Variants in CNOT2 observed in about 807,000 individuals in gnomAD.
CNOT2 encodes CC chemokine receptor 4-negative regulator of transcription 2.
Under a neutral mutation model 72.1 loss-of-function variants are expected in CNOT2, and 7 were observed. That is an observed-to-expected ratio of 0.10 (90% CI 0.06 to 0.18). The LOEUF is 0.18. Among genes scored for constraint, CNOT2 ranks in the 10% least tolerant of loss-of-function variants. The probability of loss-of-function intolerance (pLI) is 1.00; values close to 1 mark genes in which losing one functional copy is unlikely to be tolerated. For synonymous variants in CNOT2, 196 were observed against 225.6 expected (o/e 0.87, Z 1.17); for missense variants, 345 against 660.3 (o/e 0.52, Z 5.23).
chr12:70,341,983 A>C, intron 11 of CNOT2, 124 bp from the exon 12 acceptor site: 1 of 725,406 alleles, frequency 1.4e-6, no homozygotes, highest in Non-Finnish European at 2.5e-6. Flanking sequence ...AAGTCAGTAA[A>C]CCCAAGTAAG....
In CNOT2 at chr12:70,261,305, C is replaced by CTTTTTTTTTTTTTTT. The variant is rs71437141; in HGVS notation, c.-95-16814_-95-16800dup. On this transcript the variant is annotated intron_variant, in intron 1 of 15. Transcript: ENST00000229195. ...ATCTTTGTGCCTATTTTCTTTCTTT[C>CTTTTTTTTTTTTTTT]TTTTTTTTTTTTTTTTTTTTTTTTT... Among the ~76,000 whole-genome samples the CTTTTTTTTTTTTTTT allele has an allele frequency of 4.6e-4, 20 of 43,354 alleles. 2 individuals are homozygous for CTTTTTTTTTTTTTTT. Among genetic ancestry groups the CTTTTTTTTTTTTTTT allele is most frequent in the African/African-American group, 6.1e-4 (7 of 11,494 alleles). The allele number at this position is 43,354 out of a possible 152,430, so 28.4% of individuals were successfully genotyped here.
chr12:70,351,848 G>C (rs886098067), intron 15 of CNOT2, among the ~76,000 whole-genome samples: 2 of 152,132 alleles, frequency 1.3e-5, no homozygotes, highest in African/African-American at 2.4e-5. Flanking sequence ...TGGGAGAGGG[G>C]GAGTAGTGCT....
At chr12:70,247,651 A>G (rs567108186) in intron 1 of CNOT2, among the ~76,000 whole-genome samples, 42 of 152,246 alleles carry the variant, frequency 2.8e-4, no homozygotes, top group Non-Finnish European at 5.3e-4. Flanking sequence ...TCAAACTTCT[A>G]TTATAGAATG....
chr12:70,330,348 G>A lies in CNOT2; in HGVS notation c.448G>A (p.Gly150Arg), dbSNP rs778543965. Reference protein sequence around the residue: ...MNHSQVGQGIGIPSRTNSMSS... With the variant: ...MNHSQVGQGIRIPSRTNSMSS... ...CCACTCCCAGGTTGGTCAGGGCATT[G>A]GAATTCCTAGCAGGACAAATAGCAT... is the stretch of plus-strand genomic sequence containing the variant. Residue 150 changes from glycine (G) to arginine (R), a missense_variant, in exon 6 of 16, where the codon GGA becomes AGA. By Grantham distance (125) the Gly-to-Arg change is moderately radical (BLOSUM62 -2). This residue lies in a region of CNOT2 where 157 missense variants were observed against 235.3 expected (regional missense o/e 0.67). Transcript: ENST00000229195. 6.2e-7 allele frequency: 1 copy of A among 1,611,020 alleles called. No individual in the cohort carries two copies.
At chr12:70,290,147 C>T (rs1488883059) in intron 2 of CNOT2, among the ~76,000 whole-genome samples, 1 of 151,770 alleles carries the variant, frequency 6.6e-6, no homozygotes, top group Non-Finnish European at 1.5e-5. Flanking sequence ...TGTTTTTCTA[C>T]TCTGGCTCAT....
chr12:70,282,928 C>T (rs764895094), intron 2 of CNOT2, among the ~76,000 whole-genome samples: 12 of 152,124 alleles, frequency 7.9e-5, no homozygotes, highest in Non-Finnish European at 1.8e-4. Flanking sequence ...AAGTACTCAA[C>T]ACCTACTTGA....
intron 1 of CNOT2, among the ~76,000 whole-genome samples, chr12:70,257,402 C>A (rs1958513734): frequency 6.8e-6 from 1 of 146,404 alleles, no homozygotes; most frequent in Non-Finnish European, 1.5e-5. Context: ...GCTCTTTCGC[C>A]CAGGCTGGAG....
At chr12:70,278,757 T>C (rs1366160721) in intron 2 of CNOT2, among the ~76,000 whole-genome samples, 2 of 152,192 alleles carry the variant, frequency 1.3e-5, no homozygotes, top group Non-Finnish European at 2.9e-5. Flanking sequence ...GAATTTGTTA[T>C]TAGTTTGCTG....
chr12:70,298,684 G>A (rs533216268), intron 2 of CNOT2, among the ~76,000 whole-genome samples: 2 of 150,390 alleles, frequency 1.3e-5, no homozygotes, highest in African/African-American at 4.8e-5. Flanking sequence ...TCAAAGAATG[G>A]GAGAAAGGGC....
intron 1 of CNOT2, among the ~76,000 whole-genome samples, chr12:70,260,852 TA>T (rs1482905097): frequency 7.2e-6 from 1 of 139,652 alleles, no homozygotes; most frequent in African/African-American, 2.6e-5. Context: ...AGATGCATTC[TA>T]TTTTTTTTTT....
Position 70,290,890 on chromosome 12 carries a change from A to G in CNOT2, c.48+12616A>G, listed in dbSNP as rs545793725. On this transcript the variant is annotated intron_variant, in intron 2 of 15. Transcript: ENST00000229195. ...GAAAACCATCCCTGATAAAGAGAATAAGCTTTTGTGTCAATATTCAGATAA... is the reference window on the plus strand; with the variant it reads ...GAAAACCATCCCTGATAAAGAGAATGAGCTTTTGTGTCAATATTCAGATAA... The G allele has an allele frequency of 2.0e-5, 3 of 152,264 alleles. No individual in the cohort carries two copies. In the East Asian group the frequency reaches 5.8e-4, roughly 29 times the overall value. The allele number at this position is 152,264 out of a possible 1,614,324, so 9.4% of individuals were successfully genotyped here.
chr12:70,259,550 GCTTT>G (rs1327471554), intron 1 of CNOT2, among the ~76,000 whole-genome samples: 2 of 152,080 alleles, frequency 1.3e-5, no homozygotes, highest in East Asian at 1.9e-4. Context: ...CCACAGATCT[GCTTT>G]CTGTCAGTAT....
chr12:70,275,510 G>A (rs940113271), intron 1 of CNOT2, among the ~76,000 whole-genome samples: 1 of 152,000 alleles, frequency 6.6e-6, no homozygotes, highest in Non-Finnish European at 1.5e-5. Flanking sequence ...GACGATCTCT[G>A]TCCTGAGAAG....
At chr12:70,324,938 T>C (rs1878853252) in intron 4 of CNOT2, among the ~76,000 whole-genome samples, 1 of 151,874 alleles carries the variant, frequency 6.6e-6, no homozygotes, top group Non-Finnish European at 1.5e-5. Flanking sequence ...TATACTATCT[T>C]CTGTCTCCTC....
In CNOT2 at chr12:70,346,824, A is replaced by G. The variant is rs529370233; in HGVS notation, c.1536+500A>G. On this transcript the variant is annotated intron_variant, in intron 15 of 15. Transcript: ENST00000229195. The stretch of plus-strand genomic sequence containing the variant: ...CTATTTTGCTAAATATTGGGGAGAA[A>G]TCGGCTATGGAGAAATGTTGATTAT... 2.0e-5 allele frequency among the ~76,000 whole-genome samples: 3 copies of G among 152,294 alleles called. No individual in the cohort carries two copies. In the East Asian group the frequency reaches 5.8e-4, roughly 29 times the overall value.
At chr12:70,246,194 G>C (rs1477176444) in intron 1 of CNOT2, among the ~76,000 whole-genome samples, 2 of 152,118 alleles carry the variant, frequency 1.3e-5, no homozygotes, top group Non-Finnish European at 2.9e-5. Context: ...CTCTTTAAAA[G>C]CAGTGGTAAA....
intron 1 of CNOT2, among the ~76,000 whole-genome samples, chr12:70,273,740 A>G (rs1269321618): frequency 6.6e-6 from 1 of 152,148 alleles, no homozygotes; most frequent in Non-Finnish European, 1.5e-5. Flanking sequence ...ACAGTAGAAG[A>G]AAATTTCTGT....
At chr12:70,257,067 G>T (rs1236686596) in intron 1 of CNOT2, among the ~76,000 whole-genome samples, 1 of 152,024 alleles carries the variant, frequency 6.6e-6, no homozygotes, top group Non-Finnish European at 1.5e-5. Flanking sequence ...GCACTGTGAT[G>T]AACATTCTTG....
intron 15 of CNOT2, among the ~76,000 whole-genome samples, chr12:70,350,363 C>T (rs1178589884): frequency 6.6e-6 from 1 of 152,286 alleles, no homozygotes; most frequent in East Asian, 1.9e-4. Flanking sequence ...ATTAATTTCA[C>T]AGTTACATAT....
Sources: allele counts gnomAD v4.1 joint callset (sites outside exome capture counted in the v4.1 genomes callset), GRCh38; gene constraint gnomAD v4.1.1; regional missense constraint gnomAD v4.1.1; transcripts MANE v1.5; gene names NCBI Gene and HGNC (gene_info 2026-07-23, HGNC 2026-07-21).